AP3S2: variants seen among roughly 807,000 people sequenced by gnomAD.
AP3S2 encodes the protein AP-3 complex subunit sigma-2.
In AP3S2, 22 loss-of-function variants were observed where a neutral mutation model predicts 23.4. That is an observed-to-expected ratio of 0.94 (90% CI 0.67 to 1.34). The LOEUF is 1.34. Ranked by LOEUF, AP3S2 falls within the 40% of genes most tolerant of loss-of-function variation. The pLI, the probability that AP3S2 is intolerant of heterozygous loss-of-function variation, is 0.00. For missense variants in AP3S2, 241 were observed against 236.9 expected, an observed-to-expected ratio of 1.02 and a Z score of -0.11; for synonymous variants, 86 against 87.1, an observed-to-expected ratio of 0.99 and a Z score of 0.07.
At chr15:89,848,340 T>C (rs1249450566) in intron 4 of AP3S2, among the ~76,000 whole-genome samples, 1 of 152,248 alleles carries the variant, frequency 6.6e-6, no homozygotes, top group Non-Finnish European at 1.5e-5. Context: ...TAGTCTACTA[T>C]ATAAAAAGCT....
At chr15:89,845,575 A>G (rs1022988374) in intron 4 of AP3S2, 3 of 152,224 alleles carry the variant, frequency 2.0e-5, no homozygotes, top group Non-Finnish European at 4.4e-5. Context: ...TCAGGGCACA[A>G]AGAAGGGTTC....
intron 4 of AP3S2, among the ~76,000 whole-genome samples, chr15:89,859,282 CTTTT>C (rs150347838): frequency 0.011 from 1,559 of 140,712 alleles, 25 homozygotes; most frequent in African/African-American, 0.039. Context: ...TCTTTCTTTC[CTTTT>C]TTCTTTTCTT....
At chr15:89,885,415 C>G (rs1275314635) in intron 3 of AP3S2, among the ~76,000 whole-genome samples, 1 of 152,020 alleles carries the variant, frequency 6.6e-6, no homozygotes, top group Non-Finnish European at 1.5e-5. Context: ...GTTGGTCAGG[C>G]TGGTCTCAAA....
At chr15:89,873,837 CTTA>C (rs1444212887) in intron 3 of AP3S2, among the ~76,000 whole-genome samples, 3 of 121,914 alleles carry the variant, frequency 2.5e-5, no homozygotes, top group Non-Finnish European at 5.3e-5. Context: ...ATAAATGGGT[CTTA>C]TTATTATTTA....
chr15:89,861,338 C>G (rs1422275526), intron 4 of AP3S2, among the ~76,000 whole-genome samples: 1 of 152,144 alleles, frequency 6.6e-6, no homozygotes, highest in Non-Finnish European at 1.5e-5. Flanking sequence ...GATAAATTCC[C>G]TTGACATAGC....
rs904726932 is a variant in AP3S2 at position 89,834,667 on chromosome 15, G to A, written c.*848C>T. ...TAATGCCAGCACTTTGGGAGGCCAA[G>A]GCGGGTAGATCACTTGAGGTCCAGG... On this transcript the variant is annotated 3_prime_UTR_variant, in exon 6 of 6. Transcript: ENST00000336418. 6.6e-6 allele frequency: 1 copy of A among 152,336 alleles called. No individual in the cohort carries two copies. The highest frequency in any genetic ancestry group is 2.4e-5 in the African/African-American group (1 of 41,454). The allele number at this position is 152,336 out of a possible 1,614,324, so 9.4% of individuals were successfully genotyped here.
At chr15:89,859,327 T>TTTTCCTTCC (rs1411332450) in intron 4 of AP3S2, among the ~76,000 whole-genome samples, 85 of 149,084 alleles carry the variant, frequency 5.7e-4, no homozygotes, top group African/African-American at 1.9e-3. Context: ...CTTCCTTCCT[T>TTTTCCTTCC]TTTCCTTCCT....
Position 89,835,357 on chromosome 15 carries a change from T to C in AP3S2, c.*158A>G, listed in dbSNP as rs1386131996. On this transcript the variant is annotated 3_prime_UTR_variant, in exon 6 of 6. Coordinates refer to ENST00000336418, the MANE Select transcript of AP3S2 (RefSeq NM_005829.5). ...CCCGAGCAGTGTCAATAGGAATCCC[T>C]TCCCTATTCCATGCCAAACAGTCTT... 7.8e-7 allele frequency: 1 copy of C among 1,286,202 alleles called. No individual in the cohort carries two copies. The highest frequency in any genetic ancestry group is 1.1e-6 in the Non-Finnish European group (1 of 938,010). 79.7% of individuals were successfully genotyped at this position (1,286,202 alleles called of 1,614,324 possible). A position where few individuals can be genotyped will look rare whatever the true frequency, so the allele number is the denominator to read the frequency against.
intron 3 of AP3S2, among the ~76,000 whole-genome samples, chr15:89,873,579 C>T (rs972331054): frequency 6.6e-5 from 10 of 152,240 alleles, no homozygotes; most frequent in African/African-American, 2.2e-4. Context: ...GCCACTGTGC[C>T]CGGCCTCTGT....
At chr15:89,892,170 T>TAGGCAAATTCCATTTGCCATTCTGGAAC in intron 1 of AP3S2, among the ~76,000 whole-genome samples, 1 of 152,298 alleles carries the variant, frequency 6.6e-6, no homozygotes, top group Non-Finnish European at 1.5e-5. Flanking sequence ...GGCAACGGAA[T>TAGGCAAATTCCATTTGCCATTCTGGAAC]AGGCAAATTC....
At chr15:89,877,541 A>C (rs12437459) in intron 3 of AP3S2, 243,414 of 558,942 alleles carry the variant, frequency 0.44, 55,110 homozygotes, top group East Asian at 0.63. Flanking sequence ...CCATGTTCAT[A>C]TCTCTATTTT....
intron 4 of AP3S2, among the ~76,000 whole-genome samples, chr15:89,868,567 G>A (rs1896222898): frequency 2.3e-5 from 3 of 132,692 alleles, no homozygotes; most frequent in Admixed American, 7.1e-5. Flanking sequence ...GAGGGAGGTG[G>A]GGGGGTCAGC....
At position 89,835,421 on chromosome 15, in the gene AP3S2, T is replaced by C; in HGVS notation, c.*94A>G. The C allele has an allele frequency of 6.4e-7, 1 of 1,570,654 alleles. No homozygotes were observed. The highest frequency in any genetic ancestry group is 8.6e-7 in the Non-Finnish European group (1 of 1,157,976). On this transcript the variant is annotated 3_prime_UTR_variant, in exon 6 of 6. Coordinates refer to ENST00000336418, the MANE Select transcript of AP3S2 (RefSeq NM_005829.5). Reference sequence around the variant, plus strand: ...GTTTCCAGGTCCTGAGGCTTGACTCTTCTAAGGCTCAAAATGGGTTCTGTT... The same window carrying C: ...GTTTCCAGGTCCTGAGGCTTGACTCCTCTAAGGCTCAAAATGGGTTCTGTT...
At chr15:89,837,048 A>G (rs1191032869) in intron 5 of AP3S2, among the ~76,000 whole-genome samples, 2 of 152,256 alleles carry the variant, frequency 1.3e-5, no homozygotes, top group Non-Finnish European at 2.9e-5. Flanking sequence ...GGGATAGGAC[A>G]GAATTTATGT....
chr15:89,877,154 T>C (rs1896461770), intron 3 of AP3S2: 1 of 412,592 alleles, frequency 2.4e-6, no homozygotes, highest in South Asian at 1.9e-5. Context: ...TGAAGAAAGT[T>C]AGAAGACTTT....
chr15:89,845,201 A>G (rs192228585), intron 4 of AP3S2: 2 of 152,314 alleles, frequency 1.3e-5, no homozygotes, highest in African/African-American at 4.8e-5. Context: ...GCCACCATGC[A>G]CAGCCAGAAT....
At chr15:89,852,871 A>G (rs1227612490) in intron 4 of AP3S2, among the ~76,000 whole-genome samples, 1 of 152,122 alleles carries the variant, frequency 6.6e-6, no homozygotes, top group African/African-American at 2.4e-5. Context: ...ATCCCTAAAC[A>G]CAAGTTACAA....
At chr15:89,859,399 C>CTCTT (rs1895954633) in intron 4 of AP3S2, among the ~76,000 whole-genome samples, 1 of 118,048 alleles carries the variant, frequency 8.5e-6, no homozygotes, top group African/African-American at 3.4e-5. Context: ...TTCTTTCTTT[C>CTCTT]TTTTTTTTTT....
At chr15:89,893,666 GA>G in intron 1 of AP3S2, 2 of 546,704 alleles carry the variant, frequency 3.7e-6, no homozygotes, top group Non-Finnish European at 6.5e-6. Flanking sequence ...CCAGGATCAA[GA>G]AAAGGGTCAG....
Sources: allele counts gnomAD v4.1 joint callset (sites outside exome capture counted in the v4.1 genomes callset), GRCh38; gene constraint gnomAD v4.1.1; transcripts MANE v1.5; gene names NCBI Gene and HGNC (gene_info 2026-07-23, HGNC 2026-07-21).